Variants in RIMS1 observed in about 807,000 individuals in gnomAD.
RIMS1 encodes the protein regulating synaptic membrane exocytosis 1.
Under a neutral mutation model 214.1 loss-of-function variants are expected in RIMS1, and 83 were observed. The ratio of observed to expected loss-of-function variants is 0.39; its 90% CI spans 0.32 to 0.47. The LOEUF is 0.47. RIMS1 is among the 20% of genes least tolerant of loss of function. The pLI, the probability that RIMS1 is intolerant of heterozygous loss-of-function variation, is 0.99. For missense variants in RIMS1, 2,050 were observed against 2,161.8 expected (o/e 0.95, Z 1.03); for synonymous variants, 793 against 786.8 (o/e 1.01, Z -0.13).
intron 3 of RIMS1, 124 bp downstream of exon 3, chr6:72,097,286 C>G: frequency 1.3e-6 from 1 of 791,648 alleles, no homozygotes; most frequent in Non-Finnish European, 2.1e-6. Context: ...TTAAAATGAA[C>G]CTCCCTCATT....
At chr6:71,896,413 G>A (rs1464611752) in intron 1 of RIMS1, among the ~76,000 whole-genome samples, 1 of 152,098 alleles carries the variant, frequency 6.6e-6, no homozygotes, top group Non-Finnish European at 1.5e-5. Flanking sequence ...GGATTTTATG[G>A]TATTTAGAGC....
At chr6:72,369,282 T>G (rs1333061291) in intron 29 of RIMS1, among the ~76,000 whole-genome samples, 1 of 151,720 alleles carries the variant, frequency 6.6e-6, no homozygotes, top group African/African-American at 2.4e-5. Context: ...AGATTAACAG[T>G]CATGTTTTGA....
chr6:72,188,098 A>G (rs1352621754), intron 6 of RIMS1, among the ~76,000 whole-genome samples: 1 of 152,144 alleles, frequency 6.6e-6, no homozygotes, highest in African/African-American at 2.4e-5. Context: ...CCGTGCTGGG[A>G]ACTGATGAGA....
chr6:72,138,309 C>T (rs544104058), intron 4 of RIMS1, among the ~76,000 whole-genome samples: 4 of 152,136 alleles, frequency 2.6e-5, no homozygotes, highest in African/African-American at 7.2e-5. Flanking sequence ...TTCTTGGTAA[C>T]GTTACAGAGT....
At chr6:72,271,286 AATATATATATATAT>A (rs1222564699) in intron 22 of RIMS1, among the ~76,000 whole-genome samples, 3,139 of 44,426 alleles carry the variant, frequency 0.071, 124 homozygotes, top group Middle Eastern at 0.08. Context: ...AAAAAAAAAA[AATATATATATATAT>A]ATATATATAT....
intron 6 of RIMS1, chr6:72,216,583 C>T: frequency 1.0e-6 from 1 of 985,568 alleles, no homozygotes; most frequent in South Asian, 4.7e-5. Context: ...TGATCTGTTA[C>T]ACAGGGCTTG....
Position 72,284,529 on chromosome 6 carries a change from C to G in RIMS1, c.3554+411C>G, listed in dbSNP as rs530147173. Among the ~76,000 whole-genome samples, 15 of 152,124 alleles carry G rather than the reference C, an allele frequency of 9.9e-5. No homozygotes were observed. The South Asian group carries it at 1.5e-3, about 15-fold the overall frequency. ...ATAATGCCATCTTTTAAAAAAATCA[C>G]TTTTCTACAAATATATATTCTAATA... is the stretch of plus-strand genomic sequence containing the variant. On this transcript the variant is annotated intron_variant, in intron 24 of 33. Coordinates refer to ENST00000521978, the MANE Select transcript of RIMS1 (RefSeq NM_014989.7).
intron 4 of RIMS1, among the ~76,000 whole-genome samples, chr6:72,127,491 A>C (rs1463027952): frequency 1.3e-5 from 2 of 152,190 alleles, no homozygotes; most frequent in Non-Finnish European, 2.9e-5. Context: ...CAAGGAATTC[A>C]GTCTCAGTAA....
Position 72,333,644 on chromosome 6 carries a change from G to A in RIMS1, c.4175G>A (p.Gly1392Glu), listed in dbSNP as rs1476082888. 1 of 1,597,638 alleles carries A rather than the reference G, an allele frequency of 6.3e-7. No homozygotes were observed. The highest frequency in any genetic ancestry group is 8.5e-7 in the Non-Finnish European group (1 of 1,171,732). ...KMQGRRMGTS[G>E]RSIMKSTSVS... ...CAAGGCAGACGGATGGGGACTTCAG[G>A]AAGATCCATCATGAAGAGCACCAGT... The change falls in exon 29 of 34, where the codon GGA becomes GAA. Residue 1392 changes from glycine (G) to glutamate (E), a missense_variant. This residue lies in a region of RIMS1 where 889 missense variants were observed against 885.5 expected (regional missense o/e 1.00). Transcript: ENST00000521978.
chr6:72,006,245 A>G (rs1286478270), intron 2 of RIMS1, among the ~76,000 whole-genome samples: 3 of 152,150 alleles, frequency 2.0e-5, no homozygotes, highest in Non-Finnish European at 2.9e-5. Context: ...ATTTCAACAT[A>G]TGAATGTTGC....
chr6:72,250,311 C>G lies in RIMS1; in HGVS notation c.2242-19C>G. ...GCCTCATGATTTTTACAAATAATTC[C>G]TTTCCTCATTGCTCCTAGGTGAAGT... On this transcript the variant is annotated intron_variant, in intron 12 of 33. Coordinates refer to ENST00000521978, the MANE Select transcript of RIMS1 (RefSeq NM_014989.7). 1 of 1,583,880 alleles carries G rather than the reference C, an allele frequency of 6.3e-7. No homozygotes were observed. Among genetic ancestry groups the G allele is most frequent in the Non-Finnish European group, 8.6e-7 (1 of 1,169,116 alleles).
intron 4 of RIMS1, among the ~76,000 whole-genome samples, chr6:72,127,517 C>T (rs933944448): frequency 6.6e-6 from 1 of 152,068 alleles, no homozygotes; most frequent in Admixed American, 6.6e-5. Context: ...GAAATTTAGT[C>T]CTCCAATTCT....
At chr6:72,387,367 G>A (rs1330835903) in intron 29 of RIMS1, among the ~76,000 whole-genome samples, 2 of 152,138 alleles carry the variant, frequency 1.3e-5, no homozygotes, top group African/African-American at 2.4e-5. Flanking sequence ...ATTATCTCAT[G>A]CTGTCTTGGA....
intron 24 of RIMS1, among the ~76,000 whole-genome samples, chr6:72,288,992 T>C (rs2092882196): frequency 6.6e-6 from 1 of 152,240 alleles, no homozygotes; most frequent in South Asian, 2.1e-4. Context: ...GTGGTTGAGC[T>C]GTGAATATTC....
chr6:72,081,572 T>TACC (rs1332682684), intron 2 of RIMS1, among the ~76,000 whole-genome samples: 2 of 152,226 alleles, frequency 1.3e-5, no homozygotes, highest in African/African-American at 2.4e-5. Flanking sequence ...AAATATACCA[T>TACC]ACCATAAAAT....
chr6:71,989,413 A>C (rs1051488036), intron 2 of RIMS1, among the ~76,000 whole-genome samples: 1 of 152,128 alleles, frequency 6.6e-6, no homozygotes, highest in Non-Finnish European at 1.5e-5. Flanking sequence ...CTTATTTACA[A>C]AGCACTTAAT....
chr6:72,002,770 G>A (rs970540148), intron 2 of RIMS1, among the ~76,000 whole-genome samples: 1 of 152,172 alleles, frequency 6.6e-6, no homozygotes, highest in Non-Finnish European at 1.5e-5. Flanking sequence ...AGTAGATGAA[G>A]TTGAAAGTCA....
At chr6:72,053,401 A>G (rs2152170086) in intron 2 of RIMS1, among the ~76,000 whole-genome samples, 1 of 152,286 alleles carries the variant, frequency 6.6e-6, no homozygotes, top group East Asian at 1.9e-4. Context: ...TTTGGTGGAG[A>G]AATACCTTAC....
rs191085877 is a variant in RIMS1, at chr6:72,305,397, A to G, written c.3851-1861A>G. On this transcript the variant is annotated intron_variant, in intron 26 of 33. Transcript: ENST00000521978. ...TTATGAGAATAGTTAAGCTAACACC[A>G]TTTAAGTCTGTTTTTATTACAAATT... Among the ~76,000 whole-genome samples, 1,132 of 152,230 alleles carry G rather than the reference A, an allele frequency of 7.4e-3. 4 individuals are homozygous for G. The highest frequency in any genetic ancestry group is 0.012 in the Non-Finnish European group (827 of 67,954).
Sources: gnomAD v4.1 joint callset for allele counts (sites outside exome capture counted in the v4.1 genomes callset) on GRCh38, gnomAD v4.1.1 for gene constraint, gnomAD v4.1.1 regional missense constraint, MANE v1.5 for transcripts, NCBI Gene and HGNC (gene_info 2026-07-23, HGNC 2026-07-21) for gene names.